Variants in PGAP4 observed in about 807,000 individuals in gnomAD.
PGAP4 encodes the protein GPI-N-acetylgalactosamine transferase PGAP4.
Under a neutral mutation model 28.2 loss-of-function variants are expected in PGAP4, and 12 were observed. That is an observed-to-expected ratio of 0.42 (90% CI 0.27 to 0.69). The LOEUF is 0.69. Among genes scored for constraint, PGAP4 ranks in the 30% least tolerant of loss-of-function variants. The pLI, the probability that PGAP4 is intolerant of heterozygous loss-of-function variation, is 0.22. For missense variants in PGAP4, 425 were observed against 513.5 expected, an observed-to-expected ratio of 0.83 and a Z score of 1.67; for synonymous variants, 205 against 211.8, an observed-to-expected ratio of 0.97 and a Z score of 0.28.
At chr9:101,482,267 G>C (rs1401531720) in intron 1 of PGAP4, among the ~76,000 whole-genome samples, 1 of 152,196 alleles carries the variant, frequency 6.6e-6, no homozygotes, top group African/African-American at 2.4e-5. Flanking sequence ...CAAACATGGT[G>C]AAACGCCATC....
chr9:101,512,368 C>T (rs1324866315), intron 2 of PGAP4, among the ~76,000 whole-genome samples: 8 of 152,130 alleles, frequency 5.3e-5, no homozygotes, highest in African/African-American at 1.7e-4. Context: ...TCTGCTTTAA[C>T]CCTTACAAAG....
intron 2 of PGAP4, chr9:101,501,848 C>A: frequency 2.1e-6 from 1 of 485,428 alleles, no homozygotes; most frequent in Admixed American, 2.1e-5. Flanking sequence ...AAAGGGGGAT[C>A]AAGTTCAGAT....
At chr9:101,497,396 A>T (rs1431555299) in intron 2 of PGAP4, among the ~76,000 whole-genome samples, 2 of 151,814 alleles carry the variant, frequency 1.3e-5, no homozygotes, top group African/African-American at 4.8e-5. Context: ...AGTTAAATAC[A>T]TGAGTATTAT....
At chr9:101,503,138 G>A (rs1826817508) in intron 2 of PGAP4, among the ~76,000 whole-genome samples, 1 of 152,022 alleles carries the variant, frequency 6.6e-6, no homozygotes, top group African/African-American at 2.4e-5. Context: ...AGTTGGGTGA[G>A]TTTTGCAGGA....
chr9:101,518,438 C>T (rs1459558263), intron 2 of PGAP4, among the ~76,000 whole-genome samples: 1 of 152,150 alleles, frequency 6.6e-6, no homozygotes, highest in African/African-American at 2.4e-5. Context: ...TCCTTCCATT[C>T]TTCCCCCCAA....
intron 2 of PGAP4, among the ~76,000 whole-genome samples, chr9:101,492,759 G>C (rs1826702578): frequency 6.6e-6 from 1 of 151,994 alleles, no homozygotes; most frequent in African/African-American, 2.4e-5. Context: ...CTGTGACTGA[G>C]TAGATTAGTC....
upstream of PGAP4, among the ~76,000 whole-genome samples, chr9:101,487,663 T>C (rs1328293866): frequency 6.6e-6 from 1 of 152,206 alleles, no homozygotes; most frequent in African/African-American, 2.4e-5. Flanking sequence ...ACGGCCTTAC[T>C]CAGTGCTTCT....
chr9:101,483,619 T>C (rs963128541), intron 1 of PGAP4, among the ~76,000 whole-genome samples: 9 of 152,014 alleles, frequency 5.9e-5, no homozygotes. Flanking sequence ...TAATATATAA[T>C]ATACATAGCA....
At chr9:101,483,162 C>T (rs1375850613) in intron 1 of PGAP4, among the ~76,000 whole-genome samples, 1 of 152,180 alleles carries the variant, frequency 6.6e-6, no homozygotes, top group African/African-American at 2.4e-5. Context: ...GTATCCCTCA[C>T]AGACCCAGCA....
chr9:101,498,868 ACTGT>A (rs1459193458), intron 2 of PGAP4, among the ~76,000 whole-genome samples: 1 of 152,004 alleles, frequency 6.6e-6, no homozygotes, highest in Non-Finnish European at 1.5e-5. Context: ...TCTTGTGTCT[ACTGT>A]TTAGAATGTT....
rs1827090797 is a variant in PGAP4, at chr9:101,531,560, C to G, written c.-376-1G>C. ...ACAGTTTCAGCCTCACACAGAAAAT[C>G]TGGAAGATAAAAATCTGCTTCAATT... On this transcript the variant is annotated splice_acceptor_variant, in intron 1 of 3. Coordinates refer to the PGAP4 transcript ENST00000374851. LOFTEE classifies it low-confidence loss of function (5UTR_SPLICE). 6.6e-6 allele frequency: 1 copy of G among 152,196 alleles called. No homozygotes were observed. The highest frequency in any genetic ancestry group is 2.4e-5 in the African/African-American group (1 of 41,446). 9.4% of individuals were successfully genotyped at this position (152,196 alleles called of 1,614,324 possible). A position where few individuals can be genotyped will look rare whatever the true frequency, so the allele number is the denominator to read the frequency against.
chr9:101,523,647 T>TTTTTTTTTTTTTTC (rs1827008356), intron 2 of PGAP4, among the ~76,000 whole-genome samples: 1 of 134,050 alleles, frequency 7.5e-6, no homozygotes, highest in Non-Finnish European at 1.6e-5. Context: ...TTTTTTTTTT[T>TTTTTTTTTTTTTTC]TTTTTGGATT....
intron 2 of PGAP4, among the ~76,000 whole-genome samples, chr9:101,525,130 G>A (rs1827023952): frequency 6.6e-6 from 1 of 152,210 alleles, no homozygotes; most frequent in South Asian, 2.1e-4. Flanking sequence ...TAGATTCCCA[G>A]TAATGGGATT....
At chr9:101,480,145 T>C (rs895423539) in intron 1 of PGAP4, among the ~76,000 whole-genome samples, 2 of 152,116 alleles carry the variant, frequency 1.3e-5, no homozygotes, top group African/African-American at 4.8e-5. Flanking sequence ...TTTTTTAGAA[T>C]GCTTACAGGG....
intron 2 of PGAP4, among the ~76,000 whole-genome samples, chr9:101,513,069 C>CT (rs562772741): frequency 6.0e-4 from 92 of 152,258 alleles, no homozygotes; most frequent in Middle Eastern, 3.4e-3. Flanking sequence ...GCAGAAACAT[C>CT]TTTTTTTATA....
chr9:101,497,578 T>C (rs973895347), intron 2 of PGAP4, among the ~76,000 whole-genome samples: 2 of 151,690 alleles, frequency 1.3e-5, no homozygotes, highest in African/African-American at 4.8e-5. Context: ...TGTGTGTGTG[T>C]ATCTATCTAT....
upstream of PGAP4, chr9:101,489,180 C>G (rs1405019297): frequency 2.0e-5 from 3 of 152,004 alleles, no homozygotes; most frequent in Non-Finnish European, 4.4e-5. Context: ...AGTCCATTCT[C>G]TTAATCAACA....
intron 2 of PGAP4, among the ~76,000 whole-genome samples, chr9:101,505,004 A>G (rs989900): frequency 0.038 from 5,811 of 152,186 alleles, 163 homozygotes; most frequent in Admixed American, 0.077. Context: ...GAAAATGTCT[A>G]TGCAATGAAG....
rs753501953 is a variant in PGAP4, at chr9:101,476,213, T to C, written c.880A>G (p.Met294Val). 6.2e-7 allele frequency: 1 copy of C among 1,614,056 alleles called. No homozygotes were observed. The highest frequency in any genetic ancestry group is 1.1e-5 in the South Asian group (1 of 91,074). The change falls in exon 2 of 2, where the codon ATG becomes GTG. Residue 294 changes from methionine to valine, a missense_variant. Met to Val is a conservative substitution (Grantham distance 21, BLOSUM62 1). Coordinates refer to ENST00000374848, the MANE Select transcript of PGAP4 (RefSeq NM_032342.3). This position sits in a 1 kb window ranked among gnomAD's most constrained non-coding sequence, Gnocchi z 7.0. ...ATGCTATACAGGGAGAAGAAGAGCA[T>C]TACAGGCCAGCTAAACCCTGGGCGG... ...ASRPGFSWPV[M>V]LFFSLYSMGL...
Sources: gnomAD v4.1 joint callset for allele counts (sites outside exome capture counted in the v4.1 genomes callset) on GRCh38, gnomAD v4.1.1 for gene constraint, Gnocchi (gnomAD v3.1) non-coding constraint, MANE v1.5 for transcripts, NCBI Gene and HGNC (gene_info 2026-07-23, HGNC 2026-07-21) for gene names.